The following UNC13C variants were observed in gnomAD, a reference collection of about 807,000 sequenced individuals.
UNC13C encodes unc-13 homolog C.
Under a neutral mutation model 245.4 loss-of-function variants are expected in UNC13C, and 174 were observed. The observed-to-expected ratio is 0.71, with a 90% CI of 0.63 to 0.80. The LOEUF (loss-of-function observed/expected upper bound fraction) is 0.80. Among genes scored for constraint, UNC13C ranks in the 30% least tolerant of loss-of-function variants. The pLI is 0.00. For synonymous variants in UNC13C, 992 were observed against 895.1 expected (o/e 1.11, Z -1.93); for missense variants, 2,829 against 2,602.9 (o/e 1.09, Z -1.89).
intron 19 of UNC13C, among the ~76,000 whole-genome samples, chr15:54,424,123 C>T (rs887780594): frequency 1.5e-4 from 22 of 151,636 alleles, no homozygotes; most frequent in African/African-American, 4.8e-4. Flanking sequence ...AATTGTGGAA[C>T]TTGTAAATTT....
chr15:54,514,258 G>C (rs1894873296), intron 24 of UNC13C, among the ~76,000 whole-genome samples: 1 of 152,142 alleles, frequency 6.6e-6, no homozygotes, highest in Non-Finnish European at 1.5e-5. Context: ...TTCACCCTTT[G>C]ATATGCAACA....
intron 4 of UNC13C, among the ~76,000 whole-genome samples, chr15:54,198,347 A>C (rs940018551): frequency 6.6e-6 from 1 of 152,206 alleles, no homozygotes; most frequent in African/African-American, 2.4e-5. Context: ...TCCTCCCTGT[A>C]GAACCACAGC....
At chr15:54,459,261 C>T (rs543687349) in intron 19 of UNC13C, among the ~76,000 whole-genome samples, 30 of 152,240 alleles carry the variant, frequency 2.0e-4, no homozygotes, top group East Asian at 1.4e-3. Flanking sequence ...AGAAATATAC[C>T]GTTAATCTGA....
At chr15:54,626,634 T>C (rs1901177410) in intron 32 of UNC13C, among the ~76,000 whole-genome samples, 194 bp from the exon 33 acceptor site, 5 of 152,234 alleles carry the variant, frequency 3.3e-5, no homozygotes, top group African/African-American at 1.2e-4. Context: ...TTTCTGTCTT[T>C]TCTATCTAGG....
At chr15:54,521,339 C>T (rs947100790) in intron 24 of UNC13C, among the ~76,000 whole-genome samples, 4 of 151,724 alleles carry the variant, frequency 2.6e-5, no homozygotes, top group East Asian at 1.9e-4. Context: ...CTTTGTAGCT[C>T]GTAGGAAATG....
Position 54,015,666 on chromosome 15 carries a change from T to G in UNC13C, c.2763T>G (p.Gly921=). The G allele has an allele frequency of 6.2e-7, 1 of 1,613,452 alleles. No homozygotes were observed. The highest frequency in any genetic ancestry group is 2.2e-5 in the East Asian group (1 of 44,824). ...ETPYETPQDE[G]YDGPADDMVS... The stretch of plus-strand genomic sequence containing the variant: ...CTTATGAAACCCCACAAGATGAGGG[T>G]TATGATGGTCCAGCAGATGATATGG... The change falls in exon 2 of 33, where the codon GGT becomes GGG. Residue 921 remains glycine, a synonymous_variant. Transcript: ENST00000260323.
chr15:54,508,764 CTTAT>C, intron 23 of UNC13C, among the ~76,000 whole-genome samples: 1 of 152,044 alleles, frequency 6.6e-6, no homozygotes, highest in East Asian at 1.9e-4. Context: ...ATTACAGATA[CTTAT>C]TTATAATTAT....
At chr15:54,280,553 G>C (rs2036952617) in intron 10 of UNC13C, among the ~76,000 whole-genome samples, 1 of 150,428 alleles carries the variant, frequency 6.6e-6, no homozygotes, top group African/African-American at 2.4e-5. Flanking sequence ...ATTGATAGAG[G>C]AGAGTTCCAT....
chr15:54,035,459 C>A (rs1216116511), intron 2 of UNC13C, among the ~76,000 whole-genome samples: 2 of 152,126 alleles, frequency 1.3e-5, no homozygotes, highest in East Asian at 3.9e-4. Context: ...ACCCAGTAAA[C>A]ACTGTTAGTC....
At chr15:54,296,065 A>G (rs868568704) in intron 11 of UNC13C, among the ~76,000 whole-genome samples, 39 of 152,300 alleles carry the variant, frequency 2.6e-4, no homozygotes, top group Middle Eastern at 3.4e-3. Flanking sequence ...CTGCTTCCCA[A>G]AGATCCTTAG....
chr15:54,084,940 A>G (rs554835238), intron 2 of UNC13C, among the ~76,000 whole-genome samples: 108 of 152,286 alleles, frequency 7.1e-4, no homozygotes, highest in Middle Eastern at 3.4e-3. Flanking sequence ...ATAGTGTATT[A>G]TGATTATTTA....
At chr15:54,280,694 A>G (rs1337742454) in intron 10 of UNC13C, among the ~76,000 whole-genome samples, 5 of 72,740 alleles carry the variant, frequency 6.9e-5, no homozygotes, top group African/African-American at 5.2e-4. Context: ...ATATATAAAC[A>G]TATGTATACA....
At chr15:53,880,443 C>T in the UNC13C span, among the ~76,000 whole-genome samples, 4 of 152,076 alleles carry the variant, frequency 2.6e-5, no homozygotes, top group Admixed American at 1.3e-4. Flanking sequence ...CAATAATGTC[C>T]GAACTACACG....
chr15:54,125,123 C>G (rs948837588), intron 2 of UNC13C, among the ~76,000 whole-genome samples: 2 of 152,046 alleles, frequency 1.3e-5, no homozygotes, highest in Admixed American at 6.6e-5. Flanking sequence ...TTGTAGTTCC[C>G]TTATCTTTCC....
At chr15:54,301,212 G>C (rs553244320) in intron 13 of UNC13C, among the ~76,000 whole-genome samples, 1 of 151,488 alleles carries the variant, frequency 6.6e-6, no homozygotes, top group Non-Finnish European at 1.5e-5. Flanking sequence ...AATAGATACT[G>C]GTCCAGATAA....
chr15:53,931,567 T>C, the UNC13C span, among the ~76,000 whole-genome samples: 1 of 152,070 alleles, frequency 6.6e-6, no homozygotes, highest in African/African-American at 2.4e-5. Context: ...CCTAATCTTG[T>C]ATGCTTTCCA....
At chr15:54,058,078 A>C (rs891771312) in intron 2 of UNC13C, among the ~76,000 whole-genome samples, 9 of 152,062 alleles carry the variant, frequency 5.9e-5, no homozygotes, top group African/African-American at 1.2e-4. Flanking sequence ...AAACACATTC[A>C]AAAGCTAGCA....
intron 30 of UNC13C, among the ~76,000 whole-genome samples, chr15:54,606,561 C>T (rs770513552): frequency 2.0e-5 from 3 of 152,146 alleles, no homozygotes; most frequent in African/African-American, 4.8e-5. Flanking sequence ...AGAGCAAGTA[C>T]GCATTAGAGA....
chr15:53,958,192 A>C, the UNC13C span, among the ~76,000 whole-genome samples: 4 of 152,162 alleles, frequency 2.6e-5, no homozygotes, highest in Non-Finnish European at 5.9e-5. Flanking sequence ...ACCTATACCA[A>C]TGTTCAAAGA....
Sources: allele counts gnomAD v4.1 joint callset (sites outside exome capture counted in the v4.1 genomes callset), GRCh38; gene constraint gnomAD v4.1.1; transcripts MANE v1.5; gene names NCBI Gene and HGNC (gene_info 2026-07-23, HGNC 2026-07-21).